The following FHL5 variants were observed in gnomAD, a reference collection of about 807,000 sequenced individuals.
FHL5 encodes the protein four and a half LIM domains protein 5.
A neutral mutation model predicts 32.0 loss-of-function variants in FHL5; 33 were observed. The ratio of observed to expected loss-of-function variants is 1.03; its 90% CI spans 0.78 to 1.38. The LOEUF (loss-of-function observed/expected upper bound fraction) is 1.38. Ranked by LOEUF, FHL5 falls within the 40% of genes most tolerant of loss-of-function variation. The pLI is 0.00. For synonymous variants in FHL5, 114 were observed against 113.6 expected, an observed-to-expected ratio of 1.00 and a Z score of -0.02; for missense variants, 336 against 343.9, an observed-to-expected ratio of 0.98 and a Z score of 0.18.
At chr6:96,578,898 G>T (rs1237876798) in intron 1 of FHL5, among the ~76,000 whole-genome samples, 1 of 151,978 alleles carries the variant, frequency 6.6e-6, no homozygotes, top group East Asian at 1.9e-4. Context: ...AGTTATGTGG[G>T]TATTTTCTAC....
At chr6:96,611,429 T>C (rs1287255041) in intron 5 of FHL5, among the ~76,000 whole-genome samples, 1 of 151,102 alleles carries the variant, frequency 6.6e-6, no homozygotes. Flanking sequence ...GTTAAAGAGG[T>C]TTTCAAGGTA....
chr6:96,574,482 T>C (rs1236877725), intron 1 of FHL5, among the ~76,000 whole-genome samples: 5 of 152,202 alleles, frequency 3.3e-5, no homozygotes, highest in African/African-American at 9.7e-5. Context: ...TTAAATTTCA[T>C]ATGTCAAAAA....
chr6:96,607,024 C>T (rs1478574316), intron 4 of FHL5, among the ~76,000 whole-genome samples: 1 of 151,848 alleles, frequency 6.6e-6, no homozygotes, highest in Non-Finnish European at 1.5e-5. Context: ...GACTTGGCTT[C>T]CCACTCAAAA....
chr6:96,613,439 G>A (rs931224670), intron 5 of FHL5, among the ~76,000 whole-genome samples: 5 of 152,172 alleles, frequency 3.3e-5, no homozygotes, highest in African/African-American at 1.2e-4. Flanking sequence ...AGTGAAAGGT[G>A]CTCTGGACTG....
intron 4 of FHL5, among the ~76,000 whole-genome samples, chr6:96,609,401 C>T (rs1771350942): frequency 1.3e-5 from 2 of 152,080 alleles, no homozygotes; most frequent in Non-Finnish European, 2.9e-5. Flanking sequence ...GCTGTGAATT[C>T]AAAAGGTGAT....
chr6:96,606,827 C>G (rs1759656328), intron 4 of FHL5, among the ~76,000 whole-genome samples: 1 of 152,182 alleles, frequency 6.6e-6, no homozygotes, highest in Non-Finnish European at 1.5e-5. Flanking sequence ...GGATGTTTAA[C>G]TTCTCACATT....
At position 96,610,447 on chromosome 6, in the gene FHL5, A is replaced by G. The variant is rs75439717; in HGVS notation, c.505-125A>G. The stretch of plus-strand genomic sequence containing the variant: ...CCAGTTGTGGCATAGAAGACATGAA[A>G]TGATCTTTTTTTTTTCTTTTTGCTT... On this transcript the variant is annotated intron_variant, in intron 4 of 5. Coordinates refer to ENST00000450218, the MANE Select transcript of FHL5 (RefSeq NM_001322466.2). The G allele has an allele frequency of 4.7e-3, 3,383 of 715,152 alleles. 18 individuals are homozygous for G. The highest frequency in any genetic ancestry group is 6.9e-3 in the Non-Finnish European group (2,828 of 412,216). 44.3% of individuals were successfully genotyped at this position (715,152 alleles called of 1,614,324 possible).
intron 1 of FHL5, among the ~76,000 whole-genome samples, chr6:96,585,893 A>T (rs1044019390): frequency 1.3e-5 from 2 of 152,228 alleles, no homozygotes; most frequent in African/African-American, 4.8e-5. Flanking sequence ...AATAAGACAC[A>T]TATAAGTAGC....
chr6:96,602,387 A>G lies in FHL5; in HGVS notation c.-12-1215A>G, dbSNP rs17056756. Among the ~76,000 whole-genome samples, 427 of 145,088 alleles carry G rather than the reference A, an allele frequency of 2.9e-3. 22 individuals carry two copies. The East Asian group carries it at 0.066, about 22-fold the overall frequency. On this transcript the variant is annotated intron_variant, in intron 1 of 5. Transcript: ENST00000450218. ...TTGTAACAACAAAGAATTCATGTTC[A>G]ATGCCTAATTAAAACCTGGAAATCT...
At chr6:96,581,288 T>C (rs1482790981) in intron 1 of FHL5, among the ~76,000 whole-genome samples, 1 of 152,192 alleles carries the variant, frequency 6.6e-6, no homozygotes, top group Non-Finnish European at 1.5e-5. Flanking sequence ...ATTTGTAACA[T>C]CTAGGAAAAT....
intron 1 of FHL5, among the ~76,000 whole-genome samples, chr6:96,566,525 G>C (rs1770361372): frequency 6.6e-6 from 1 of 151,880 alleles, no homozygotes; most frequent in Non-Finnish European, 1.5e-5. Flanking sequence ...CCCAGTAGTG[G>C]GATTGTTGGA....
intron 1 of FHL5, among the ~76,000 whole-genome samples, chr6:96,593,754 A>G (rs959071189): frequency 2.6e-5 from 4 of 152,070 alleles, no homozygotes; most frequent in African/African-American, 9.7e-5. Flanking sequence ...TACCAAGCTC[A>G]TCTACGCTTT....
chr6:96,603,877 T>C (rs1771211579), intron 2 of FHL5, 105 bp downstream of exon 2: 2 of 858,140 alleles, frequency 2.3e-6, no homozygotes, highest in Non-Finnish European at 3.7e-6. Context: ...ATTTCTCTGC[T>C]ACTGGATATA....
At chr6:96,572,683 C>T (rs1770504175) in intron 1 of FHL5, among the ~76,000 whole-genome samples, 1 of 152,180 alleles carries the variant, frequency 6.6e-6, no homozygotes, top group Non-Finnish European at 1.5e-5. Context: ...GCAGCTTCAC[C>T]ATGTGGGCTT....
intron 1 of FHL5, among the ~76,000 whole-genome samples, chr6:96,588,349 T>C (rs959192567): frequency 6.6e-6 from 1 of 152,166 alleles, no homozygotes. Flanking sequence ...TGGCTGGGAT[T>C]ACAGGCATGC....
intron 1 of FHL5, among the ~76,000 whole-genome samples, chr6:96,592,845 T>C (rs776393282): frequency 1.6e-4 from 25 of 152,198 alleles, no homozygotes; most frequent in Non-Finnish European, 3.4e-4. Flanking sequence ...CTTTCGTTTT[T>C]AGTAGTTGTA....
At chr6:96,611,773 C>T (rs1771413897) in intron 5 of FHL5, among the ~76,000 whole-genome samples, 1 of 152,148 alleles carries the variant, frequency 6.6e-6, no homozygotes, top group East Asian at 1.9e-4. Flanking sequence ...CCTTGGCAGG[C>T]TTTCACTGAC....
chr6:96,609,196 G>T (rs1253422476), intron 4 of FHL5, among the ~76,000 whole-genome samples: 1 of 152,000 alleles, frequency 6.6e-6, no homozygotes, highest in African/African-American at 2.4e-5. Context: ...TTTTTCACAA[G>T]TCTATGTAAC....
Position 96,603,598 on chromosome 6 carries a change from A to G in FHL5, c.-12-4A>G, listed in dbSNP as rs200745141. 5.6e-6 allele frequency: 9 copies of G among 1,605,146 alleles called. No individual in the cohort carries two copies. The Admixed American group carries it at 6.8e-5, about 12-fold the overall frequency. ...ATATACATTAATCACTTTGTCATTC[A>G]TAGGATCAAACCAAAATGACAACTG... On this transcript the variant is annotated splice_polypyrimidine_tract_variant and splice_region_variant and intron_variant, in intron 1 of 5. Transcript: ENST00000450218.
Sources: allele counts gnomAD v4.1 joint callset (sites outside exome capture counted in the v4.1 genomes callset), GRCh38; gene constraint gnomAD v4.1.1; transcripts MANE v1.5; gene names NCBI Gene and HGNC (gene_info 2026-07-23, HGNC 2026-07-21).